Variants in CCDC3 observed in about 807,000 individuals in gnomAD.
CCDC3 encodes the protein coiled-coil domain containing 3.
A neutral mutation model predicts 21.4 loss-of-function variants in CCDC3; 24 were observed. That is an observed-to-expected ratio of 1.12 (90% CI 0.81 to 1.58). CCDC3 has a LOEUF of 1.58. Ranked by LOEUF, CCDC3 falls within the 40% of genes most tolerant of loss-of-function variation. The pLI is 0.00. For synonymous variants in CCDC3, 186 were observed against 166.0 expected (o/e 1.12, Z -0.93); for missense variants, 425 against 360.9 (o/e 1.18, Z -1.44).
At chr10:12,925,781 A>G (rs1564286393) in intron 2 of CCDC3, among the ~76,000 whole-genome samples, 1 of 152,196 alleles carries the variant, frequency 6.6e-6, no homozygotes, top group Non-Finnish European at 1.5e-5. Context: ...TTTCCCCAAA[A>G]CATCTAACTC....
intron 2 of CCDC3, among the ~76,000 whole-genome samples, chr10:12,901,669 T>C (rs1834094380): frequency 6.6e-6 from 1 of 152,348 alleles, no homozygotes; most frequent in Middle Eastern, 3.4e-3. Context: ...GAGTTTTACT[T>C]GAAAAATGTT....
At chr10:13,014,173 G>A (rs1836019950) in intron 5 of CCDC3, among the ~76,000 whole-genome samples, 1 of 150,574 alleles carries the variant, frequency 6.6e-6, no homozygotes, top group Non-Finnish European at 1.5e-5. Flanking sequence ...AGGAAAGAAA[G>A]CCGGGCGCAG....
At chr10:13,063,911 C>G (rs1171902356) in intron 4 of CCDC3, among the ~76,000 whole-genome samples, 1 of 151,490 alleles carries the variant, frequency 6.6e-6, no homozygotes. Context: ...TAGTGTGAGT[C>G]GTTTTTTTTT....
At chr10:12,948,098 T>C (rs1407243348) in intron 2 of CCDC3, among the ~76,000 whole-genome samples, 1 of 152,152 alleles carries the variant, frequency 6.6e-6, no homozygotes, top group African/African-American at 2.4e-5. Flanking sequence ...GGTAACTGAA[T>C]CATGGGGTCA....
rs1338838312 is a variant in CCDC3, at chr10:12,969,357, T to C, written c.549+28981A>G. On this transcript the variant is annotated intron_variant, in intron 2 of 2. Transcript: ENST00000378825. ...GAACCTTTGTAACAGTTGGTGGGAATGTAAATTAGTACACCACTATAGAAA... is the reference window on the plus strand; with the variant it reads ...GAACCTTTGTAACAGTTGGTGGGAACGTAAATTAGTACACCACTATAGAAA... 2.0e-5 allele frequency among the ~76,000 whole-genome samples: 3 copies of C among 152,136 alleles called. 1 individual carries two copies. Among genetic ancestry groups the C allele is most frequent in the South Asian group, 4.1e-4 (2 of 4,834 alleles).
At chr10:13,068,190 C>T (rs1338891010) in intron 4 of CCDC3, among the ~76,000 whole-genome samples, 1 of 152,088 alleles carries the variant, frequency 6.6e-6, no homozygotes, top group African/African-American at 2.4e-5. Context: ...CCAGTCATGC[C>T]TATTTTATTA....
upstream of CCDC3, among the ~76,000 whole-genome samples, chr10:13,004,086 G>A (rs924914780): frequency 2.0e-5 from 3 of 152,192 alleles, no homozygotes; most frequent in African/African-American, 4.8e-5. Context: ...TTCTGTGAGT[G>A]AATTATTGGG....
chr10:13,076,051 G>A (rs1564341103), intron 3 of CCDC3, among the ~76,000 whole-genome samples: 1 of 152,058 alleles, frequency 6.6e-6, no homozygotes, highest in Non-Finnish European at 1.5e-5. Flanking sequence ...GACAGAGCAA[G>A]ACCCTATCTT....
At chr10:13,008,005 G>A (rs952528029) in intron 5 of CCDC3, among the ~76,000 whole-genome samples, 1 of 152,172 alleles carries the variant, frequency 6.6e-6, no homozygotes, top group African/African-American at 2.4e-5. Flanking sequence ...TCAATGCAGA[G>A]GAGTGGCCCA....
chr10:13,034,934 G>A (rs7075078), intron 5 of CCDC3, among the ~76,000 whole-genome samples: 2,421 of 151,908 alleles, frequency 0.016, 68 homozygotes, highest in African/African-American at 0.055. Context: ...GCTGAGGCAG[G>A]AGAATCGCTT....
rs1369582653 is a variant in CCDC3, at chr10:13,025,834, TA to T, written c.-2+23839del. ...TTTAGACGTTGCTGGTCCCTGGAAA[TA>T]AGAGCATCATAATAGCACCAAATAT... is the stretch of plus-strand genomic sequence containing the variant. On this transcript the variant is annotated intron_variant, in intron 5 of 6. Coordinates refer to the CCDC3 transcript ENST00000378839. Among the ~76,000 whole-genome samples the T allele has an allele frequency of 2.6e-5, 4 of 152,280 alleles. No individual in the cohort carries two copies. The East Asian group carries it at 7.7e-4, about 29-fold the overall frequency.
chr10:13,076,313 C>T (rs944173585), intron 3 of CCDC3, among the ~76,000 whole-genome samples: 1 of 152,180 alleles, frequency 6.6e-6, no homozygotes, highest in Non-Finnish European at 1.5e-5. Context: ...AGAGCAACTC[C>T]ATCTTGGGTG....
chr10:12,993,645 T>C (rs1365002564), intron 2 of CCDC3, among the ~76,000 whole-genome samples: 2 of 152,128 alleles, frequency 1.3e-5, no homozygotes, highest in Non-Finnish European at 1.5e-5. Flanking sequence ...TTGGCTGGTG[T>C]GGAAAGAAAT....
At chr10:12,925,204 G>T (rs1402524863) in intron 2 of CCDC3, among the ~76,000 whole-genome samples, 2 of 152,178 alleles carry the variant, frequency 1.3e-5, no homozygotes, top group Non-Finnish European at 2.9e-5. Flanking sequence ...GAAGTAGGCA[G>T]GTGGGGAGTG....
At chr10:12,990,851 T>C (rs776796426) in intron 2 of CCDC3, among the ~76,000 whole-genome samples, 5 of 152,238 alleles carry the variant, frequency 3.3e-5, no homozygotes, top group Non-Finnish European at 7.3e-5. Flanking sequence ...GATAGGCCAA[T>C]GTATTTTCAT....
intron 2 of CCDC3, among the ~76,000 whole-genome samples, chr10:12,989,816 G>A (rs1181181634): frequency 2.6e-5 from 4 of 152,130 alleles, no homozygotes; most frequent in South Asian, 2.1e-4. Flanking sequence ...TGTCATTTGC[G>A]CTGCTGGTGC....
intron 4 of CCDC3, among the ~76,000 whole-genome samples, chr10:13,065,620 T>C (rs1836812272): frequency 6.6e-6 from 1 of 152,230 alleles, no homozygotes; most frequent in Non-Finnish European, 1.5e-5. Flanking sequence ...TTCGATATCC[T>C]GCTCATTCCT....
intron 4 of CCDC3, among the ~76,000 whole-genome samples, chr10:13,069,455 A>C (rs1324837783): frequency 6.6e-6 from 1 of 152,214 alleles, no homozygotes; most frequent in Non-Finnish European, 1.5e-5. Flanking sequence ...AAAATTTCTG[A>C]GTCATTATTT....
chr10:13,073,161 TG>T (rs1388646919), intron 4 of CCDC3, among the ~76,000 whole-genome samples: 1 of 152,026 alleles, frequency 6.6e-6, no homozygotes, highest in Non-Finnish European at 1.5e-5. Flanking sequence ...CCACTATCCC[TG>T]GCCACACAAT....
Sources: allele counts gnomAD v4.1 joint callset (sites outside exome capture counted in the v4.1 genomes callset), GRCh38; gene constraint gnomAD v4.1.1; transcripts MANE v1.5; gene names NCBI Gene and HGNC (gene_info 2026-07-23, HGNC 2026-07-21).